The following FANCC variants were observed in gnomAD, a reference collection of about 807,000 sequenced individuals.
FANCC encodes FA complementation group C, also known as Fanconi anemia group C protein.
FANCC carries 55 observed loss-of-function variants against 71.3 expected under a neutral mutation model. The observed-to-expected ratio is 0.77, with a 90% confidence interval of 0.62 to 0.97. The LOEUF is 0.97. FANCC is among the 50% of genes least tolerant of loss of function. The pLI, the probability that FANCC is intolerant of heterozygous loss-of-function variation, is 0.00. For missense variants in FANCC, 678 were observed against 670.9 expected (o/e 1.01, Z -0.12); for synonymous variants, 275 against 244.9 (o/e 1.12, Z -1.15).
intron 4 of FANCC, among the ~76,000 whole-genome samples, chr9:95,172,509 C>T (rs201320492): frequency 5.3e-4 from 80 of 151,834 alleles, no homozygotes; most frequent in Admixed American, 1.3e-4. Context: ...AGATGGGTAA[C>T]GTGCCGATGT....
At chr9:95,135,074 T>TA (rs1004013388) in intron 8 of FANCC, among the ~76,000 whole-genome samples, 1 of 152,258 alleles carries the variant, frequency 6.6e-6, no homozygotes, top group Admixed American at 6.5e-5. Flanking sequence ...ATACTGTTTT[T>TA]AAAAAGTCTG....
chr9:95,301,203 CACAA>C (rs1437367749), intron 1 of FANCC, among the ~76,000 whole-genome samples: 1 of 151,808 alleles, frequency 6.6e-6, no homozygotes, highest in Non-Finnish European at 1.5e-5. Context: ...CACACACACA[CACAA>C]AATTGTTAAA....
chr9:95,274,285 T>C (rs997995548), intron 1 of FANCC, among the ~76,000 whole-genome samples: 2 of 152,216 alleles, frequency 1.3e-5, no homozygotes, highest in African/African-American at 4.8e-5. Flanking sequence ...TTTGGTTTTC[T>C]GTTCCTGTAT....
In FANCC at chr9:95,101,474, G is replaced by A. The variant is rs1180430895; in HGVS notation, c.*233C>T. On this transcript the variant is annotated 3_prime_UTR_variant, in exon 15 of 15. Transcript: ENST00000289081. ...TGGCCGGGCGGGCACCAGGAGTACC[G>A]AAGGCTCACTTGAGTCATTAGTGAA... 6.5e-5 allele frequency: 38 copies of A among 584,430 alleles called. No individual in the cohort carries two copies. Among genetic ancestry groups the A allele is most frequent in the Non-Finnish European group, 1.1e-4 (35 of 328,326 alleles). The allele number at this position is 584,430 out of a possible 1,614,324, so 36.2% of individuals were successfully genotyped here.
At chr9:95,261,540 T>TGGCAGCAAAAGCAAC (rs1564806947) in intron 1 of FANCC, among the ~76,000 whole-genome samples, 24 of 152,130 alleles carry the variant, frequency 1.6e-4, no homozygotes, top group Non-Finnish European at 2.6e-4. Flanking sequence ...GCAAAAGCAA[T>TGGCAGCAAAAGCAAC]TGGCATGAAA....
intron 4 of FANCC, among the ~76,000 whole-genome samples, chr9:95,204,232 T>C (rs1033166177): frequency 6.6e-6 from 1 of 152,328 alleles, no homozygotes. Context: ...AAACAATACA[T>C]AGAACATTTA....
chr9:95,293,798 G>C (rs1167749476), intron 1 of FANCC: 16 of 1,613,670 alleles, frequency 9.9e-6, no homozygotes, highest in Non-Finnish European at 1.3e-5. Context: ...GTTTCCAGTC[G>C]GGTGGGGTCT....
At chr9:95,117,441 G>T in intron 10 of FANCC, 51 bp from the exon 11 acceptor site, 1 of 1,511,790 alleles carries the variant, frequency 6.6e-7, no homozygotes, top group Non-Finnish European at 9.1e-7. Flanking sequence ...ATTGAAACGG[G>T]GTCAGGAAAA....
intron 4 of FANCC, among the ~76,000 whole-genome samples, chr9:95,174,040 A>T (rs1266224380): frequency 1.3e-5 from 2 of 152,240 alleles, no homozygotes; most frequent in African/African-American, 2.4e-5. Context: ...ATGGAAAAAC[A>T]ATGGAAGAAA....
chr9:95,209,105 C>T lies in FANCC; in HGVS notation c.345+31544G>A, dbSNP rs118103905. ...AAAAATGAGCTACTAAATGATATTA[C>T]TAAATGAAAGAAGCCAATCTGAAAT... On this transcript the variant is annotated intron_variant, in intron 4 of 14. Transcript: ENST00000289081. 8.5e-3 allele frequency among the ~76,000 whole-genome samples: 1,286 copies of T among 152,154 alleles called. 16 individuals are homozygous for T. The highest frequency in any genetic ancestry group is 0.012 in the Non-Finnish European group (816 of 67,996).
intron 1 of FANCC, among the ~76,000 whole-genome samples, chr9:95,305,207 A>G (rs1835002817): frequency 6.6e-6 from 1 of 152,216 alleles, no homozygotes; most frequent in African/African-American, 2.4e-5. Context: ...ACATACAGCC[A>G]TGCACAAAGA....
At chr9:95,168,068 G>C (rs1825421995) in intron 6 of FANCC, among the ~76,000 whole-genome samples, 1 of 152,170 alleles carries the variant, frequency 6.6e-6, no homozygotes, top group Non-Finnish European at 1.5e-5. Flanking sequence ...TTCCAAATTA[G>C]AGGGCTTTAC....
At chr9:95,228,163 G>A (rs1275910992) in intron 4 of FANCC, among the ~76,000 whole-genome samples, 1 of 152,114 alleles carries the variant, frequency 6.6e-6, no homozygotes, top group Non-Finnish European at 1.5e-5. Context: ...TACAATTGTG[G>A]AATAAATGAG....
chr9:95,174,009 A>G (rs1340859410), intron 4 of FANCC, among the ~76,000 whole-genome samples: 1 of 152,236 alleles, frequency 6.6e-6, no homozygotes, highest in Non-Finnish European at 1.5e-5. Context: ...TCATCAATAT[A>G]AAAATAATCC....
chr9:95,262,720 C>T (rs1832129151), intron 1 of FANCC, among the ~76,000 whole-genome samples: 2 of 152,200 alleles, frequency 1.3e-5, no homozygotes, highest in African/African-American at 4.8e-5. Context: ...ACTCAAATAT[C>T]CATCAGTGGA....
chr9:95,125,207 C>G (rs1825789282), intron 9 of FANCC, 22 bp from the exon 10 acceptor site: 3 of 1,589,446 alleles, frequency 1.9e-6, no homozygotes, highest in African/African-American at 2.7e-5. Flanking sequence ...AAAGTCAGAT[C>G]AGAACACGTT....
intron 4 of FANCC, among the ~76,000 whole-genome samples, chr9:95,218,922 A>G (rs1829049309): frequency 6.6e-6 from 1 of 152,198 alleles, no homozygotes; most frequent in African/African-American, 2.4e-5. Flanking sequence ...ATCAAGAAAA[A>G]GCCACACTGA....
chr9:95,292,302 C>G (rs1442371139), intron 1 of FANCC: 10 of 459,998 alleles, frequency 2.2e-5, no homozygotes, highest in Middle Eastern at 1.0e-3. Context: ...AAAATCAACA[C>G]AACTGCGAGC....
chr9:95,210,528 A>G (rs1381253323), intron 4 of FANCC, among the ~76,000 whole-genome samples: 1 of 152,322 alleles, frequency 6.6e-6, no homozygotes, highest in Non-Finnish European at 1.5e-5. Flanking sequence ...TTACACACAC[A>G]CATACACATA....
Sources: allele counts gnomAD v4.1 joint callset (sites outside exome capture counted in the v4.1 genomes callset), GRCh38; gene constraint gnomAD v4.1.1; transcripts MANE v1.5; gene names NCBI Gene and HGNC (gene_info 2026-07-23, HGNC 2026-07-21).